The following PTGES3 variants were observed in gnomAD, a reference collection of about 807,000 sequenced individuals.
The protein encoded by PTGES3 is prostaglandin E synthase 3.
PTGES3 carries 5 observed loss-of-function variants against 29.9 expected under a neutral mutation model. The ratio of observed to expected loss-of-function variants is 0.17; its 90% confidence interval spans 0.09 to 0.35. The LOEUF is 0.35. Among genes scored for constraint, PTGES3 ranks in the 10% least tolerant of loss-of-function variants. PTGES3 has a pLI of 1.00. For missense variants in PTGES3, 128 were observed against 190.0 expected (o/e 0.67, Z 1.92); for synonymous variants, 49 against 57.8 (o/e 0.85, Z 0.69).
intron 7 of PTGES3, 85 bp downstream of exon 7, chr12:56,664,690 CT>C (rs1951723966): frequency 6.7e-7 from 1 of 1,492,486 alleles, no homozygotes; most frequent in African/African-American, 1.4e-5. Flanking sequence ...AATTACTTTA[CT>C]TCCAAAGAAG....
chr12:56,687,568 AG>A, intron 1 of PTGES3: 2 of 1,028,478 alleles, frequency 1.9e-6, no homozygotes, highest in Middle Eastern at 9.6e-4. Context: ...CACCCACCAC[AG>A]GTGCACTCGA....
chr12:56,664,632 G>A (rs1461617896), intron 7 of PTGES3, 134 bp from the exon 8 acceptor site: 4 of 1,372,582 alleles, frequency 2.9e-6, no homozygotes, highest in South Asian at 1.3e-5. Context: ...TTGCTATCAA[G>A]TTATTCACAT....
chr12:56,680,462 T>C (rs1344856843), intron 1 of PTGES3, among the ~76,000 whole-genome samples: 1 of 152,044 alleles, frequency 6.6e-6, no homozygotes, highest in African/African-American at 2.4e-5. Flanking sequence ...CTTGCCTCTC[T>C]GCAACCCCTG....
At chr12:56,672,204 T>G (rs990487901) in intron 3 of PTGES3, among the ~76,000 whole-genome samples, 1 of 152,160 alleles carries the variant, frequency 6.6e-6, no homozygotes, top group African/African-American at 2.4e-5. Flanking sequence ...GATTCTATTC[T>G]TAGATAAGGG....
intron 3 of PTGES3, among the ~76,000 whole-genome samples, chr12:56,672,244 C>T (rs1952032989): frequency 6.6e-6 from 1 of 152,202 alleles, no homozygotes; most frequent in Admixed American, 6.5e-5. Flanking sequence ...TGGCTCATGC[C>T]TGTAATCCCA....
chr12:56,664,702 T>G, intron 7 of PTGES3, 74 bp downstream of exon 7: 1 of 1,519,814 alleles, frequency 6.6e-7, no homozygotes, highest in Non-Finnish European at 9.0e-7. Context: ...TCCAAAGAAG[T>G]TAACATCTCT....
In PTGES3 at chr12:56,670,243, G is replaced by A. The variant is rs189729881; in HGVS notation, c.375+32C>T. 8.4e-5 allele frequency: 122 copies of A among 1,451,950 alleles called. No homozygotes were observed. The East Asian group carries it at 1.8e-3, about 21-fold the overall frequency. 89.9% of individuals were successfully genotyped at this position (1,451,950 alleles called of 1,614,324 possible). A position where few individuals can be genotyped will look rare whatever the true frequency, so the allele number is the denominator to read the frequency against. ...TACATAGACAGGTACCGTGTGCTTC[G>A]AATGGGGAGAGGTCCATTTAAAGGA... is the stretch of plus-strand genomic sequence containing the variant. On this transcript the variant is annotated intron_variant, in intron 5 of 7. Coordinates refer to ENST00000262033, the MANE Select transcript of PTGES3 (RefSeq NM_006601.7).
rs190236994 is a variant in PTGES3, at chr12:56,672,958, G to C, written c.110C>G (p.Thr37Arg). The C allele has an allele frequency of 1.2e-6, 2 of 1,600,040 alleles. No homozygotes were observed. Among genetic ancestry groups the C allele is most frequent in the Non-Finnish European group, 1.7e-6 (2 of 1,174,590 alleles). Residue 37 changes from threonine (T) to arginine (R), a missense_variant, in exon 2 of 8, where the codon ACA becomes AGA. Transcript: ENST00000262033. ...GATAAAAAGCTTAACTTACCTGAAT[G>C]TAAGTTTGGATTTTTCAAAATTTAC... is the stretch of plus-strand genomic sequence containing the variant. ...VNVNFEKSKL[T>R]FSCLGGSDNF...
intron 1 of PTGES3, among the ~76,000 whole-genome samples, chr12:56,686,255 T>C (rs1227965985): frequency 6.6e-6 from 1 of 152,236 alleles, no homozygotes; most frequent in Non-Finnish European, 1.5e-5. Flanking sequence ...ATGCCTCATC[T>C]GACAAAAAAT....
rs1952144020 is a variant in PTGES3 at position 56,674,686 on chromosome 12, C to T, written c.3-1621G>A. Among the ~76,000 whole-genome samples the T allele has an allele frequency of 2.0e-5, 3 of 151,508 alleles. 1 individual carries two copies. The highest frequency in any genetic ancestry group is 4.2e-4 in the South Asian group (2 of 4,786). ...CTAAAAATACAAAAAATTAGCCAGG[C>T]ATGGTGGTAGGCGCCTGTAGTCCCA... On this transcript the variant is annotated intron_variant, in intron 1 of 7. Coordinates refer to ENST00000262033, the MANE Select transcript of PTGES3 (RefSeq NM_006601.7).
chr12:56,669,073 G>T (rs1263820675), intron 5 of PTGES3, among the ~76,000 whole-genome samples: 1 of 138,028 alleles, frequency 7.2e-6, no homozygotes, highest in Non-Finnish European at 1.5e-5. Context: ...GCAGTGGTGT[G>T]ATCTCGGCTC....
chr12:56,687,667 G>A (rs1952944461), intron 1 of PTGES3: 2 of 1,250,772 alleles, frequency 1.6e-6, no homozygotes, highest in African/African-American at 1.6e-5. Flanking sequence ...ACGCTTCAGG[G>A]CGCCGCATGG....
intron 6 of PTGES3, 158 bp downstream of exon 6, chr12:56,666,046 C>T (rs567963550): frequency 2.4e-5 from 34 of 1,390,890 alleles, no homozygotes; most frequent in East Asian, 5.4e-5. Context: ...TACCCCCATT[C>T]GTCAAAAATG....
At chr12:56,687,569 G>C (rs1345971419) in intron 1 of PTGES3, 6 of 1,030,900 alleles carry the variant, frequency 5.8e-6, no homozygotes, top group Non-Finnish European at 5.8e-6. Flanking sequence ...ACCCACCACA[G>C]GTGCACTCGA....
At chr12:56,687,584 G>A in intron 1 of PTGES3, 2 of 1,058,800 alleles carry the variant, frequency 1.9e-6, no homozygotes, top group Non-Finnish European at 2.3e-6. Flanking sequence ...ACTCGACTCA[G>A]GGCCTGGCCC....
chr12:56,675,004 C>CCAAAAA lies in PTGES3; in HGVS notation c.3-1940_3-1939insTTTTTG, dbSNP rs1952171736. 2.2e-4 allele frequency among the ~76,000 whole-genome samples: 7 copies of CCAAAAA among 32,358 alleles called. 1 individual carries two copies. The highest frequency in any genetic ancestry group is 2.2e-4 in the Non-Finnish European group (4 of 18,512). The allele number at this position is 32,358 out of a possible 152,430, so 21.2% of individuals were successfully genotyped here. On this transcript the variant is annotated intron_variant, in intron 1 of 7. Coordinates refer to ENST00000262033, the MANE Select transcript of PTGES3 (RefSeq NM_006601.7). Reference sequence around the variant, plus strand: ...GGGCAACAAGAGTGAAACTCGGTCTCAAAAAAAAAAAAAAAAAAAAAAAGT... The same window carrying CCAAAAA: ...GGGCAACAAGAGTGAAACTCGGTCTCCAAAAAAAAAAAAAAAAAAAAAAAAAAAAGT...
intron 1 of PTGES3, among the ~76,000 whole-genome samples, chr12:56,683,406 G>A (rs1952648910): frequency 1.4e-5 from 2 of 146,524 alleles, no homozygotes; most frequent in South Asian, 4.4e-4. Flanking sequence ...ACAGGAGGCG[G>A]AGGTTGCGGT....
At chr12:56,684,093 C>T (rs573686362) in intron 1 of PTGES3, among the ~76,000 whole-genome samples, 3 of 152,056 alleles carry the variant, frequency 2.0e-5, no homozygotes, top group African/African-American at 4.8e-5. Flanking sequence ...TTTGAGCTCA[C>T]GTAAATATGA....
At chr12:56,675,453 C>T (rs1952192593) in intron 1 of PTGES3, among the ~76,000 whole-genome samples, 1 of 148,174 alleles carries the variant, frequency 6.7e-6, no homozygotes, top group Non-Finnish European at 1.5e-5. Context: ...TAAAAAAACA[C>T]AGGAGGCGGA....
Sources: allele counts gnomAD v4.1 joint callset (sites outside exome capture counted in the v4.1 genomes callset), GRCh38; gene constraint gnomAD v4.1.1; transcripts MANE v1.5; gene names NCBI Gene and HGNC (gene_info 2026-07-23, HGNC 2026-07-21).